The following STXBP5L variants were observed in gnomAD, a reference collection of about 807,000 sequenced individuals.
STXBP5L encodes the protein syntaxin binding protein 5L, also known as syntaxin-binding protein 5-like.
In STXBP5L, 65 loss-of-function variants were observed where a neutral mutation model predicts 144.5. The observed-to-expected ratio is 0.45, with a 90% CI of 0.37 to 0.55. The LOEUF (loss-of-function observed/expected upper bound fraction) is 0.55. Ranked by LOEUF, STXBP5L falls within the 20% of genes least tolerant of loss-of-function variation. The pLI is 0.00. For missense variants in STXBP5L, 1,298 were observed against 1,405.5 expected, an observed-to-expected ratio of 0.92 and a Z score of 1.22; for synonymous variants, 505 against 469.6, an observed-to-expected ratio of 1.08 and a Z score of -0.97.
At chr3:121,180,927 AAAGAGAAAAGAAGAG>A (rs1426322967) in intron 9 of STXBP5L, among the ~76,000 whole-genome samples, 1 of 151,586 alleles carries the variant, frequency 6.6e-6, no homozygotes, top group East Asian at 1.9e-4. Context: ...AAAGAAAGAG[AAAGAGAAAAGAAGAG>A]AAGAGAAAAG....
intron 3 of STXBP5L, among the ~76,000 whole-genome samples, chr3:121,027,833 T>A (rs1795412): frequency 0.51 from 77,566 of 151,802 alleles, 20,278 homozygotes; most frequent in Admixed American, 0.6. Context: ...TCTTCAGGGC[T>A]GGTGCATTAT....
chr3:121,064,289 C>T (rs368283217), intron 5 of STXBP5L, among the ~76,000 whole-genome samples: 38 of 152,164 alleles, frequency 2.5e-4, no homozygotes, highest in African/African-American at 9.2e-4. Context: ...TGCTCCTCCT[C>T]GATGGTCTGC....
intron 19 of STXBP5L, among the ~76,000 whole-genome samples, chr3:121,300,385 G>C (rs903307879): frequency 6.6e-6 from 1 of 152,112 alleles, no homozygotes; most frequent in Non-Finnish European, 1.5e-5. Flanking sequence ...ATATAAAAAG[G>C]TATTTTGTCT....
chr3:120,960,574 C>T (rs1467987547), intron 3 of STXBP5L, among the ~76,000 whole-genome samples: 1 of 152,084 alleles, frequency 6.6e-6, no homozygotes, highest in Non-Finnish European at 1.5e-5. Flanking sequence ...GAATACTATG[C>T]TGCCATAAAG....
At chr3:121,081,497 G>A (rs1449351090) in intron 5 of STXBP5L, among the ~76,000 whole-genome samples, 2 of 152,100 alleles carry the variant, frequency 1.3e-5, no homozygotes, top group South Asian at 2.1e-4. Context: ...TTGTCTGCTG[G>A]TTTTCCCAGA....
intron 2 of STXBP5L, 148 bp from the exon 3 acceptor site, chr3:120,954,792 G>T: frequency 1.9e-6 from 1 of 522,794 alleles, no homozygotes; most frequent in South Asian, 3.4e-5. Context: ...ATGAGTTTAG[G>T]TTACTCCATC....
chr3:120,909,536 C>T, intron 1 of STXBP5L, 35 bp from the exon 2 acceptor site: 1 of 1,586,774 alleles, frequency 6.3e-7, no homozygotes, highest in Middle Eastern at 2.2e-4. Flanking sequence ...GTTAAGTCAC[C>T]TCTTTCCCTT....
At chr3:121,113,352 T>C (rs2044082800) in intron 5 of STXBP5L, among the ~76,000 whole-genome samples, 1 of 152,186 alleles carries the variant, frequency 6.6e-6, no homozygotes, top group Non-Finnish European at 1.5e-5. Context: ...GAATTGAAAA[T>C]TGATTCTTCA....
chr3:121,287,342 G>T (rs1242800124), intron 19 of STXBP5L, among the ~76,000 whole-genome samples: 1 of 152,152 alleles, frequency 6.6e-6, no homozygotes, highest in Non-Finnish European at 1.5e-5. Flanking sequence ...AAAACTTAAT[G>T]AAATCTGCCA....
intron 24 of STXBP5L, among the ~76,000 whole-genome samples, chr3:121,414,822 T>C (rs2047195871): frequency 6.6e-6 from 1 of 152,202 alleles, no homozygotes; most frequent in Non-Finnish European, 1.5e-5. Flanking sequence ...GATTTGTTTA[T>C]TAAAATAAAT....
intron 20 of STXBP5L, among the ~76,000 whole-genome samples, chr3:121,335,368 T>C (rs2044469390): frequency 1.3e-5 from 2 of 152,118 alleles, no homozygotes; most frequent in African/African-American, 4.8e-5. Flanking sequence ...ATCATTAAAA[T>C]TGCCATATTG....
chr3:121,172,724 CTG>C (rs951763001), intron 9 of STXBP5L, among the ~76,000 whole-genome samples: 65 of 152,310 alleles, frequency 4.3e-4, no homozygotes, highest in African/African-American at 1.6e-3. Flanking sequence ...TGCTTTTACA[CTG>C]TTGGTGGGAG....
intron 22 of STXBP5L, among the ~76,000 whole-genome samples, chr3:121,400,997 A>G (rs957630928): frequency 6.6e-6 from 1 of 152,162 alleles, no homozygotes; most frequent in Admixed American, 6.5e-5. Flanking sequence ...ATAATTTGCA[A>G]CCTTCAATGG....
chr3:121,017,481 G>A (rs1256085928), intron 3 of STXBP5L, among the ~76,000 whole-genome samples: 1 of 152,146 alleles, frequency 6.6e-6, no homozygotes, highest in Admixed American at 6.5e-5. Flanking sequence ...TATACAGATT[G>A]GGAAGGAAGA....
intron 20 of STXBP5L, among the ~76,000 whole-genome samples, chr3:121,328,243 C>T (rs1249329961): frequency 6.6e-6 from 1 of 152,158 alleles, no homozygotes; most frequent in Non-Finnish European, 1.5e-5. Flanking sequence ...TAATAGCTAA[C>T]ATTGAATGCT....
At chr3:121,196,400 A>G (rs1010981442) in intron 9 of STXBP5L, among the ~76,000 whole-genome samples, 8 of 152,016 alleles carry the variant, frequency 5.3e-5, no homozygotes, top group African/African-American at 1.9e-4. Context: ...CGACCTCCCA[A>G]AGTACTGGGA....
At chr3:121,133,110 C>T (rs1379119236) in intron 7 of STXBP5L, among the ~76,000 whole-genome samples, 1 of 152,114 alleles carries the variant, frequency 6.6e-6, no homozygotes, top group Non-Finnish European at 1.5e-5. Flanking sequence ...TGGCTTATGC[C>T]TGTATTCCCT....
chr3:121,172,821 C>A (rs2046778745), intron 9 of STXBP5L, among the ~76,000 whole-genome samples: 1 of 152,182 alleles, frequency 6.6e-6, no homozygotes, highest in Non-Finnish European at 1.5e-5. Flanking sequence ...TCAGCTATCC[C>A]ATTACTGGGT....
intron 3 of STXBP5L, among the ~76,000 whole-genome samples, chr3:120,993,768 G>T (rs1943118139): frequency 6.6e-6 from 1 of 151,858 alleles, no homozygotes. Context: ...CTTTAGGATT[G>T]CTTTTGCTAC....
Sources: gnomAD v4.1 joint callset for allele counts (sites outside exome capture counted in the v4.1 genomes callset) on GRCh38, gnomAD v4.1.1 for gene constraint, MANE v1.5 for transcripts, NCBI Gene and HGNC (gene_info 2026-07-23, HGNC 2026-07-21) for gene names.